The following DHRS9 variants were observed in gnomAD, a reference collection of about 807,000 sequenced individuals.
DHRS9 encodes dehydrogenase/reductase 9, also known as dehydrogenase/reductase SDR family member 9.
DHRS9 carries 18 observed loss-of-function variants against 26.6 expected under a neutral mutation model. The observed-to-expected ratio is 0.68, with a 90% confidence interval of 0.47 to 1.00. The LOEUF is 1.00. DHRS9 is among the 50% of genes least tolerant of loss of function. The pLI, the probability that DHRS9 is intolerant of heterozygous loss-of-function variation, is 0.00. For missense variants in DHRS9, 425 were observed against 378.7 expected (o/e 1.12, Z -1.01); for synonymous variants, 134 against 141.1 (o/e 0.95, Z 0.36).
intron 3 of DHRS9, among the ~76,000 whole-genome samples, chr2:169,086,381 CCTT>C (rs1316062157): frequency 1.3e-5 from 2 of 151,966 alleles, no homozygotes; most frequent in Non-Finnish European, 2.9e-5. Flanking sequence ...ATTCTGAATT[CCTT>C]CTTTGTGTTA....
Position 169,095,840 on chromosome 2 carries a change from C to G in DHRS9, c.*73C>G. 1 of 1,372,010 alleles carries G rather than the reference C, an allele frequency of 7.3e-7. No homozygotes were observed. Among genetic ancestry groups the G allele is most frequent in the Non-Finnish European group, 1.0e-6 (1 of 974,384 alleles). The allele number at this position is 1,372,010 out of a possible 1,614,324, so 85.0% of individuals were successfully genotyped here. ...TCAAGAACACATCTCCTTTTCAACC[C>G]CATTCCTTATCTGCTCCAACCTGGA... On this transcript the variant is annotated 3_prime_UTR_variant, in exon 5 of 5. Transcript: ENST00000674881.
intron 3 of DHRS9, among the ~76,000 whole-genome samples, chr2:169,087,492 G>A (rs935001082): frequency 3.3e-5 from 5 of 152,250 alleles, no homozygotes; most frequent in Admixed American, 6.5e-5. Flanking sequence ...GTCAAACCAA[G>A]CTGGCACCTA....
intron 1 of DHRS9, 28 bp downstream of exon 1, chr2:169,069,745 T>C (rs1004773926): frequency 2.0e-6 from 2 of 985,316 alleles, no homozygotes; most frequent in African/African-American, 1.7e-5. Flanking sequence ...TGTCATTTAT[T>C]CTTTTATTTA....
At chr2:169,077,474 C>T (rs986450358) in intron 1 of DHRS9, among the ~76,000 whole-genome samples, 2 of 152,042 alleles carry the variant, frequency 1.3e-5, no homozygotes, top group Non-Finnish European at 2.9e-5. Context: ...TGAGATAATT[C>T]CAACAAATGC....
intron 1 of DHRS9, among the ~76,000 whole-genome samples, chr2:169,076,554 G>A (rs1391631098): frequency 6.6e-6 from 1 of 152,154 alleles, no homozygotes; most frequent in African/African-American, 2.4e-5. Flanking sequence ...TTAAAAACCA[G>A]GAGTTCATAC....
chr2:169,091,631 C>T (rs1401642465), intron 3 of DHRS9, among the ~76,000 whole-genome samples, 159 bp from the exon 4 acceptor site: 1 of 152,206 alleles, frequency 6.6e-6, no homozygotes, highest in Non-Finnish European at 1.5e-5. Flanking sequence ...CCTCAGTTTC[C>T]TCACTTGCAA....
chr2:169,078,813 G>A (rs931216703), intron 1 of DHRS9, among the ~76,000 whole-genome samples: 1 of 117,076 alleles, frequency 8.5e-6, no homozygotes, highest in Non-Finnish European at 1.6e-5. Context: ...TTTATCAACT[G>A]ACTTTTTTTT....
chr2:169,074,276 A>G, intron 1 of DHRS9: 2 of 985,448 alleles, frequency 2.0e-6, no homozygotes, highest in South Asian at 9.4e-5. Flanking sequence ...GAGGCTAAGA[A>G]AAGTTAATTT....
At chr2:169,094,821 A>T (rs1684643523) in intron 4 of DHRS9, among the ~76,000 whole-genome samples, 1 of 152,152 alleles carries the variant, frequency 6.6e-6, no homozygotes, top group Non-Finnish European at 1.5e-5. Context: ...TATTGAAAAG[A>T]CTGGGGTTGT....
intron 1 of DHRS9, chr2:169,074,220 C>A: frequency 1.0e-6 from 1 of 956,590 alleles, no homozygotes; most frequent in Non-Finnish European, 1.2e-6. Context: ...TCACCCAGTA[C>A]TCTCCAAGGT....
upstream of DHRS9, among the ~76,000 whole-genome samples, chr2:169,068,667 A>G (rs1683714875): frequency 6.6e-6 from 1 of 152,188 alleles, no homozygotes; most frequent in Non-Finnish European, 1.5e-5. Flanking sequence ...CTCTACCTAG[A>G]CAGATATGTT....
intron 3 of DHRS9, among the ~76,000 whole-genome samples, chr2:169,085,732 C>A (rs939654930): frequency 6.6e-6 from 1 of 152,080 alleles, no homozygotes; most frequent in Non-Finnish European, 1.5e-5. Flanking sequence ...TATCCTGCAA[C>A]TTTACTGAAT....
At chr2:169,088,512 T>C (rs1442486008) in intron 3 of DHRS9, among the ~76,000 whole-genome samples, 2 of 152,198 alleles carry the variant, frequency 1.3e-5, no homozygotes, top group Non-Finnish European at 2.9e-5. Context: ...TTTTTTTGCA[T>C]GAATAGTTGT....
rs184679466 is a variant in DHRS9, at chr2:169,095,067, C to A, written c.737-477C>A. ...CAAGCACATGTGCAACCCACATTTTCTCTAGACACATAATCCCCTAAAACA... is the reference window on the plus strand; with the variant it reads ...CAAGCACATGTGCAACCCACATTTTATCTAGACACATAATCCCCTAAAACA... On this transcript the variant is annotated intron_variant, in intron 4 of 4. Transcript: ENST00000674881. Among the ~76,000 whole-genome samples the A allele has an allele frequency of 5.3e-5, 8 of 152,296 alleles. No homozygotes were observed. The East Asian group carries it at 1.4e-3, about 26-fold the overall frequency.
chr2:169,091,494 T>C (rs1166773049), intron 3 of DHRS9, among the ~76,000 whole-genome samples: 1 of 152,152 alleles, frequency 6.6e-6, no homozygotes, highest in African/African-American at 2.4e-5. Context: ...ATAACCTGAA[T>C]GTCCACTTAG....
At chr2:169,081,267 T>A in intron 1 of DHRS9, 1 of 806,628 alleles carries the variant, frequency 1.2e-6, no homozygotes, top group Non-Finnish European at 1.7e-6. Flanking sequence ...TTGTGTCAAT[T>A]TTGCCATGGC....
rs1245015517 is a variant in DHRS9, at chr2:169,091,846, A to G, written c.629A>G (p.Lys210Arg). 6.2e-7 allele frequency: 1 copy of G among 1,614,122 alleles called. No individual in the cohort carries two copies. The highest frequency in any genetic ancestry group is 2.2e-5 in the East Asian group (1 of 44,864). The stretch of plus-strand genomic sequence containing the variant: ...TCATGCATTGAACCAGGATTGTTCA[A>G]AACAAACTTGGCAGATCCAGTAAAG... ...HVSCIEPGLF[K>R]TNLADPVKVI... Residue 210 changes from lysine (K) to arginine (R), a missense_variant, in exon 4 of 5, where the codon AAA becomes AGA. Lys to Arg is a conservative substitution (Grantham distance 26). Transcript: ENST00000674881.
chr2:169,069,383 C>A (rs999788007), upstream of DHRS9: 6 of 972,418 alleles, frequency 6.2e-6, no homozygotes, highest in Non-Finnish European at 7.3e-6. Context: ...TGTTATTGAT[C>A]ATTTTAAAGT....
At chr2:169,082,907 G>A (rs1296133567) in intron 2 of DHRS9, among the ~76,000 whole-genome samples, 1 of 151,100 alleles carries the variant, frequency 6.6e-6, no homozygotes, top group Non-Finnish European at 1.5e-5. Flanking sequence ...GGGAGGGATA[G>A]CATTAGGAGA....
Sources: gnomAD v4.1 joint callset for allele counts (sites outside exome capture counted in the v4.1 genomes callset) on GRCh38, gnomAD v4.1.1 for gene constraint, MANE v1.5 for transcripts, NCBI Gene and HGNC (gene_info 2026-07-23, HGNC 2026-07-21) for gene names.